Variants in ADGRV1 observed in about 807,000 individuals in gnomAD.
ADGRV1 encodes the protein adhesion G protein-coupled receptor V1.
Under a neutral mutation model 596.2 loss-of-function variants are expected in ADGRV1, and 359 were observed. The observed-to-expected ratio is 0.60, with a 90% CI of 0.55 to 0.66. The LOEUF (loss-of-function observed/expected upper bound fraction) is 0.66. Among genes scored for constraint, ADGRV1 ranks in the 30% least tolerant of loss-of-function variants. ADGRV1 has a pLI of 0.00. For synonymous variants in ADGRV1, 2,681 were observed against 2,679.2 expected (o/e 1.00, Z -0.02); for missense variants, 7,274 against 7,575.6 (o/e 0.96, Z 1.48).
chr5:90,817,022 C>A (rs1393934407), intron 75 of ADGRV1, among the ~76,000 whole-genome samples: 6 of 152,056 alleles, frequency 3.9e-5, no homozygotes, highest in Non-Finnish European at 7.4e-5. Context: ...GTTTACAGTC[C>A]CACCAACAGT....
intron 85 of ADGRV1, among the ~76,000 whole-genome samples, chr5:91,004,494 A>G (rs1782110219): frequency 6.6e-6 from 1 of 152,186 alleles, no homozygotes; most frequent in African/African-American, 2.4e-5. Flanking sequence ...GCTTAGGGAA[A>G]GAAAGTGGTG....
At chr5:90,800,306 C>G (rs1761217187) in intron 70 of ADGRV1, among the ~76,000 whole-genome samples, 1 of 152,128 alleles carries the variant, frequency 6.6e-6, no homozygotes, top group African/African-American at 2.4e-5. Context: ...ATTTATGCAG[C>G]CAACAAACAT....
At chr5:90,779,240 A>G in intron 64 of ADGRV1, 143 bp downstream of exon 64, 1 of 471,944 alleles carries the variant, frequency 2.1e-6, no homozygotes, top group African/African-American at 1.9e-5. Flanking sequence ...AGAACAGGAC[A>G]TACAAGGGAA....
In ADGRV1 at chr5:90,720,141, G is replaced by A. The variant is rs1304681619; in HGVS notation, c.9541G>A (p.Gly3181Arg). The change falls in exon 44 of 90, where the codon GGG (glycine) becomes AGG (arginine). Residue 3181 changes from glycine (G) to arginine (R), a missense_variant. Transcript: ENST00000405460. ...TAATCCAACTGGAGGTGCTAGACTA[G>A]GGGTGCATGTTCAAACCCTGATAAC... is the stretch of plus-strand genomic sequence containing the variant. Reference protein sequence around the residue: ...LFNPTGGARLGVHVQTLITVL... With the variant: ...LFNPTGGARLRVHVQTLITVL... The A allele has an allele frequency of 1.9e-6, 3 of 1,613,496 alleles. No homozygotes were observed. Among genetic ancestry groups the A allele is most frequent in the Non-Finnish European group, 2.5e-6 (3 of 1,179,568 alleles).
At chr5:90,874,473 G>A (rs1290427219) in intron 83 of ADGRV1, among the ~76,000 whole-genome samples, 1 of 151,992 alleles carries the variant, frequency 6.6e-6, no homozygotes, top group Non-Finnish European at 1.5e-5. Context: ...CTAATGGAAT[G>A]TCAACTCCAT....
At chr5:90,821,086 C>T (rs536805549) in intron 75 of ADGRV1, among the ~76,000 whole-genome samples, 5,366 of 152,166 alleles carry the variant, frequency 0.035, 327 homozygotes, top group African/African-American at 0.12. Context: ...TTCACATAGT[C>T]GCATATTTCT....
intron 54 of ADGRV1, 127 bp from the exon 55 acceptor site, chr5:90,754,856 C>T: frequency 1.5e-6 from 1 of 656,676 alleles, no homozygotes; most frequent in East Asian, 2.6e-5. Flanking sequence ...TATACATTGT[C>T]TTTGTTTTAC....
chr5:90,890,614 C>T (rs1770720289), intron 83 of ADGRV1, among the ~76,000 whole-genome samples: 1 of 152,116 alleles, frequency 6.6e-6, no homozygotes, highest in South Asian at 2.1e-4. Flanking sequence ...AAACACTATA[C>T]AAGTGTTCCA....
At chr5:90,928,126 C>T (rs1223700041) in intron 83 of ADGRV1, among the ~76,000 whole-genome samples, 1 of 152,036 alleles carries the variant, frequency 6.6e-6, no homozygotes. Context: ...TTGCTCTTCT[C>T]GAGGAGTATC....
chr5:90,900,909 A>G (rs1469267112), intron 83 of ADGRV1, among the ~76,000 whole-genome samples: 1 of 151,860 alleles, frequency 6.6e-6, no homozygotes, highest in East Asian at 1.9e-4. Flanking sequence ...ACTACCTAGA[A>G]TAAATCATTA....
chr5:90,871,817 T>C (rs1022842000), intron 83 of ADGRV1, among the ~76,000 whole-genome samples: 7 of 152,188 alleles, frequency 4.6e-5, no homozygotes, highest in African/African-American at 1.7e-4. Flanking sequence ...GTCTCAGTTT[T>C]GGAATTAGAG....
chr5:90,854,171 T>C lies in ADGRV1; in HGVS notation c.17564T>C (p.Leu5855Pro). The C allele has an allele frequency of 3.9e-6, 6 of 1,553,280 alleles. No homozygotes were observed. The highest frequency in any genetic ancestry group is 2.0e-5 in the Admixed American group (1 of 51,028). Reference protein sequence around the residue: ...AEPRIIPQTSLCLLWNQAAAS... With the variant: ...AEPRIIPQTSPCLLWNQAAAS... ...CCTAGAATTATTCCTCAGACATCTC[T>C]GTGTCTCCTTTGGAATCAGGCTGCT... Residue 5855 changes from leucine (L) to proline (P), a missense_variant, in exon 81 of 90, where the codon CTG (leucine) becomes CCG (proline). Around this residue, in one of 5 missense-constraint regions of ADGRV1, gnomAD observed 1,874 missense variants for 1,970.2 expected, o/e 0.95. Coordinates refer to ENST00000405460, the MANE Select transcript of ADGRV1 (RefSeq NM_032119.4).
chr5:90,695,702 A>T (rs929000069), intron 33 of ADGRV1, among the ~76,000 whole-genome samples: 1 of 152,026 alleles, frequency 6.6e-6, no homozygotes, highest in African/African-American at 2.4e-5. Context: ...AATAATCATT[A>T]TGTTTTAGAG....
At chr5:90,934,451 A>G (rs1775511051) in intron 83 of ADGRV1, among the ~76,000 whole-genome samples, 1 of 152,048 alleles carries the variant, frequency 6.6e-6, no homozygotes, top group Non-Finnish European at 1.5e-5. Context: ...TTTCAGGCCC[A>G]TCTTGTTTAT....
chr5:90,828,033 T>G (rs1764207575), intron 76 of ADGRV1, among the ~76,000 whole-genome samples: 1 of 152,198 alleles, frequency 6.6e-6, no homozygotes. Context: ...GTAACAATAT[T>G]GCTAAGATTT....
intron 84 of ADGRV1, among the ~76,000 whole-genome samples, chr5:90,979,465 C>T (rs1436881514): frequency 6.6e-6 from 1 of 152,126 alleles, no homozygotes; most frequent in Non-Finnish European, 1.5e-5. Flanking sequence ...CTACCGTGCC[C>T]AGCCTATTTG....
At chr5:90,954,168 G>GA (rs1777275731) in intron 83 of ADGRV1, among the ~76,000 whole-genome samples, 3 of 66,824 alleles carry the variant, frequency 4.5e-5, no homozygotes, top group Non-Finnish European at 6.1e-5. Flanking sequence ...TCCCAGCCTT[G>GA]CTTTTTTTTT....
intron 1 of ADGRV1, among the ~76,000 whole-genome samples, chr5:90,567,998 A>G (rs1239735708): frequency 1.3e-5 from 2 of 152,096 alleles, no homozygotes; most frequent in African/African-American, 2.4e-5. Context: ...TCGGCCTCCC[A>G]AAGTATTGGG....
chr5:90,863,645 A>G, intron 82 of ADGRV1, 112 bp from the exon 83 acceptor site: 1 of 770,522 alleles, frequency 1.3e-6, no homozygotes, highest in Non-Finnish European at 2.4e-6. Context: ...GGTACTGGGC[A>G]GAGGCAGGTG....
Sources: allele counts gnomAD v4.1 joint callset (sites outside exome capture counted in the v4.1 genomes callset), GRCh38; gene constraint gnomAD v4.1.1; regional missense constraint gnomAD v4.1.1; transcripts MANE v1.5; gene names NCBI Gene and HGNC (gene_info 2026-07-23, HGNC 2026-07-21).